Variants in CHRM5 observed in about 807,000 individuals in gnomAD.
The protein encoded by CHRM5 is cholinergic receptor muscarinic 5.
Under a neutral mutation model 39.0 loss-of-function variants are expected in CHRM5, and 18 were observed. The observed-to-expected ratio is 0.46, with a 90% CI of 0.32 to 0.68. CHRM5 has a LOEUF of 0.68. Ranked by LOEUF, CHRM5 falls within the 30% of genes least tolerant of loss-of-function variation. The probability of loss-of-function intolerance (pLI) is 0.04; values close to 1 mark genes in which losing one functional copy is unlikely to be tolerated. For synonymous variants in CHRM5, 241 were observed against 246.3 expected, an observed-to-expected ratio of 0.98 and a Z score of 0.20; for missense variants, 515 against 651.1, an observed-to-expected ratio of 0.79 and a Z score of 2.28.
rs531586133 is a variant in CHRM5, at chr15:34,043,073, C to T, written c.-407-3467C>T. On this transcript the variant is annotated intron_variant, in intron 1 of 2. Coordinates refer to ENST00000383263, the MANE Select transcript of CHRM5 (RefSeq NM_012125.4). The stretch of plus-strand genomic sequence containing the variant: ...CCATCCTGGCTAACACAGTGAAACC[C>T]CGTCTCTACTGAAAATACAAAAAAT... Among the ~76,000 whole-genome samples the T allele has an allele frequency of 2.6e-5, 4 of 151,998 alleles. No individual in the cohort carries two copies. In the East Asian group the frequency reaches 7.8e-4, roughly 30 times the overall value.
At chr15:34,049,273 T>G (rs768076223) in intron 2 of CHRM5, among the ~76,000 whole-genome samples, 1 of 152,144 alleles carries the variant, frequency 6.6e-6, no homozygotes, top group Non-Finnish European at 1.5e-5. Flanking sequence ...TAAAGGACCA[T>G]GTTGTAACCC....
At chr15:34,039,271 C>G (rs565493110) in intron 1 of CHRM5, 7 of 184,856 alleles carry the variant, frequency 3.8e-5, no homozygotes, top group South Asian at 1.9e-4. Flanking sequence ...GCGGGAAGGC[C>G]GGACCGCTGG....
At chr15:34,054,749 G>A (rs1900064400) in intron 2 of CHRM5, among the ~76,000 whole-genome samples, 1 of 152,132 alleles carries the variant, frequency 6.6e-6, no homozygotes, top group Admixed American at 6.6e-5. Context: ...TTAATACCTA[G>A]GTAATGGGAT....
chr15:34,057,253 C>A (rs1415666911), intron 2 of CHRM5, among the ~76,000 whole-genome samples: 1 of 151,834 alleles, frequency 6.6e-6, no homozygotes, highest in Non-Finnish European at 1.5e-5. Flanking sequence ...TCTCCTGCCT[C>A]AGCATCCTGA....
At chr15:33,980,392 T>A (rs1423583277) in intron 1 of CHRM5, among the ~76,000 whole-genome samples, 2 of 152,246 alleles carry the variant, frequency 1.3e-5, no homozygotes. Flanking sequence ...ACCTTACCTG[T>A]TGCATTACTT....
intron 1 of CHRM5, among the ~76,000 whole-genome samples, chr15:34,033,907 C>G (rs2140773261): frequency 6.6e-6 from 1 of 152,256 alleles, no homozygotes; most frequent in South Asian, 2.1e-4. Flanking sequence ...CCCGCCTCAG[C>G]CTCCCAAGTA....
intron 1 of CHRM5, chr15:33,990,755 T>TA (rs1361945620): frequency 6.6e-6 from 1 of 152,226 alleles, no homozygotes; most frequent in Non-Finnish European, 1.5e-5. Flanking sequence ...TCAAATCAAG[T>TA]ATCATTTTGA....
At chr15:34,024,955 G>A (rs940475038) in intron 1 of CHRM5, among the ~76,000 whole-genome samples, 8 of 152,058 alleles carry the variant, frequency 5.3e-5, no homozygotes, top group Non-Finnish European at 1.0e-4. Context: ...GGCCAAGGCA[G>A]GTGGATTACC....
intron 1 of CHRM5, among the ~76,000 whole-genome samples, chr15:34,020,793 A>T (rs1477416233): frequency 1.3e-5 from 2 of 152,126 alleles, no homozygotes; most frequent in South Asian, 2.1e-4. Flanking sequence ...TCTCCACATA[A>T]CTTTTTACTT....
chr15:34,063,200 C>T lies in CHRM5; in HGVS notation c.483C>T (p.Leu161=). The T allele has an allele frequency of 2.5e-6, 4 of 1,614,200 alleles. No homozygotes were observed. Among genetic ancestry groups the T allele is most frequent in the Non-Finnish European group, 3.4e-6 (4 of 1,180,044 alleles). Residue 161 remains leucine (L), a synonymous_variant, in exon 3 of 3, where the codon CTC becomes CTT. Coordinates refer to ENST00000383263, the MANE Select transcript of CHRM5 (RefSeq NM_012125.4). This position sits in a 1 kb window ranked among gnomAD's most constrained non-coding sequence, Gnocchi z 4.1. The part of the protein sequence containing the change: ...IGLAWLISFI[L]WAPAILCWQY... ...TGGCCTGGCTGATCTCCTTCATCCT[C>T]TGGGCCCCAGCAATCCTCTGCTGGC...
chr15:33,985,210 CAT>C (rs954951758), intron 1 of CHRM5, among the ~76,000 whole-genome samples: 1 of 151,956 alleles, frequency 6.6e-6, no homozygotes, highest in African/African-American at 2.4e-5. Context: ...TAGCAGAAGA[CAT>C]GAGACACCTG....
At chr15:34,010,416 A>G (rs1897587340) in intron 1 of CHRM5, among the ~76,000 whole-genome samples, 1 of 152,214 alleles carries the variant, frequency 6.6e-6, no homozygotes, top group African/African-American at 2.4e-5. Context: ...AAATTTCAGA[A>G]GTTATTAATA....
chr15:33,997,100 C>T (rs1466200791), intron 1 of CHRM5, among the ~76,000 whole-genome samples: 2 of 152,124 alleles, frequency 1.3e-5, no homozygotes, highest in African/African-American at 2.4e-5. Context: ...AAAATTAGAA[C>T]TTCTAGAAAA....
At chr15:33,970,893 C>T (rs887721000) in intron 1 of CHRM5, among the ~76,000 whole-genome samples, 1 of 151,846 alleles carries the variant, frequency 6.6e-6, no homozygotes, top group Non-Finnish European at 1.5e-5. Context: ...TACCTTGCTC[C>T]ACCCCAATTT....
At chr15:34,032,114 T>C (rs1463305270) in intron 1 of CHRM5, among the ~76,000 whole-genome samples, 4 of 152,244 alleles carry the variant, frequency 2.6e-5, no homozygotes, top group South Asian at 2.1e-4. Flanking sequence ...CAGTAGCTTC[T>C]ATCAAATAGA....
At chr15:34,061,017 A>G (rs1290071840) in intron 2 of CHRM5, among the ~76,000 whole-genome samples, 2 of 148,710 alleles carry the variant, frequency 1.3e-5, no homozygotes, top group Admixed American at 6.7e-5. Flanking sequence ...CTCCGTCTCA[A>G]AAAAAAAAAA....
At chr15:34,023,568 T>G (rs1427611453) in intron 1 of CHRM5, among the ~76,000 whole-genome samples, 1 of 152,044 alleles carries the variant, frequency 6.6e-6, no homozygotes, top group Non-Finnish European at 1.5e-5. Context: ...TTTCTTAACC[T>G]CCTCTTAGGT....
intron 1 of CHRM5, among the ~76,000 whole-genome samples, chr15:33,971,521 T>C (rs1895637555): frequency 6.6e-6 from 1 of 152,050 alleles, no homozygotes; most frequent in Non-Finnish European, 1.5e-5. Context: ...TATGTTGACA[T>C]AACAATCTTA....
chr15:33,975,674 G>A (rs144099431), intron 1 of CHRM5, among the ~76,000 whole-genome samples: 44 of 152,204 alleles, frequency 2.9e-4, no homozygotes, highest in Non-Finnish European at 5.6e-4. Context: ...GCTCACGCCT[G>A]TAATCCCAGC....
Sources: gnomAD v4.1 joint callset for allele counts (sites outside exome capture counted in the v4.1 genomes callset) on GRCh38, gnomAD v4.1.1 for gene constraint, Gnocchi (gnomAD v3.1) non-coding constraint, MANE v1.5 for transcripts, NCBI Gene and HGNC (gene_info 2026-07-23, HGNC 2026-07-21) for gene names.